The following TTC7B variants were observed in gnomAD, a reference collection of about 807,000 sequenced individuals.
TTC7B encodes the protein tetratricopeptide repeat domain 7B, also known as tetratricopeptide repeat protein 7B.
TTC7B carries 28 observed loss-of-function variants against 106.8 expected under a neutral mutation model. That is an observed-to-expected ratio of 0.26 (90% confidence interval 0.19 to 0.36). The LOEUF is 0.36. TTC7B is among the 10% of genes least tolerant of loss of function. The probability of loss-of-function intolerance (pLI) is 1.00; values close to 1 mark genes in which losing one functional copy is unlikely to be tolerated. For synonymous variants in TTC7B, 405 were observed against 430.6 expected, an observed-to-expected ratio of 0.94 and a Z score of 0.74; for missense variants, 862 against 1,076.4, an observed-to-expected ratio of 0.80 and a Z score of 2.79.
intron 2 of TTC7B, among the ~76,000 whole-genome samples, chr14:90,784,443 G>A (rs1040700451): frequency 3.3e-5 from 5 of 152,144 alleles, no homozygotes; most frequent in Non-Finnish European, 7.3e-5. Context: ...TGTAGTCCCA[G>A]CTAGTCAGGA....
intron 3 of TTC7B, among the ~76,000 whole-genome samples, chr14:90,755,723 A>G (rs1890270663): frequency 1.3e-5 from 2 of 152,186 alleles, no homozygotes; most frequent in Non-Finnish European, 2.9e-5. Flanking sequence ...CTTCTGACAG[A>G]CCTGGATGCA....
At chr14:90,704,418 C>G (rs930300536) in intron 5 of TTC7B, among the ~76,000 whole-genome samples, 3 of 152,222 alleles carry the variant, frequency 2.0e-5, no homozygotes, top group African/African-American at 7.2e-5. Flanking sequence ...TGCCCATGAT[C>G]ACACAGCCCA....
intron 3 of TTC7B, among the ~76,000 whole-genome samples, chr14:90,749,916 C>T (rs1956540): frequency 0.18 from 28,109 of 152,138 alleles, 2,743 homozygotes; most frequent in Middle Eastern, 0.21. Flanking sequence ...ATAAGGAATA[C>T]GGTTCTAATA....
intron 19 of TTC7B, among the ~76,000 whole-genome samples, chr14:90,554,047 C>T (rs1890199547): frequency 6.6e-6 from 1 of 152,226 alleles, no homozygotes; most frequent in African/African-American, 2.4e-5. Flanking sequence ...GCTTGATCAG[C>T]CTTGCGTGAA....
In TTC7B at chr14:90,540,387, CA is replaced by C. The variant is rs1399849315; in HGVS notation, c.*980del. ...AGGCTGCAGTGATCTGTGATCGCAC[CA>C]CTGAACTCCAGCCTGGGAAACAGAG... On this transcript the variant is annotated 3_prime_UTR_variant, in exon 20 of 20. Coordinates refer to ENST00000328459, the MANE Select transcript of TTC7B (RefSeq NM_001010854.2). The C allele has an allele frequency of 6.6e-6, 1 of 152,174 alleles. No individual in the cohort carries two copies. Among genetic ancestry groups the C allele is most frequent in the Non-Finnish European group, 1.5e-5 (1 of 68,060 alleles). 9.4% of individuals were successfully genotyped at this position (152,174 alleles called of 1,614,324 possible).
chr14:90,785,019 C>T (rs1394976395), intron 2 of TTC7B, among the ~76,000 whole-genome samples: 1 of 152,150 alleles, frequency 6.6e-6, no homozygotes, highest in Non-Finnish European at 1.5e-5. Flanking sequence ...GGCCAGATGA[C>T]CAAGAGGAGG....
At chr14:90,618,607 G>T (rs1007060146) in intron 15 of TTC7B, among the ~76,000 whole-genome samples, 1 of 152,184 alleles carries the variant, frequency 6.6e-6, no homozygotes, top group Non-Finnish European at 1.5e-5. Flanking sequence ...CAATCACCTA[G>T]GTCTCTCTTC....
intron 3 of TTC7B, among the ~76,000 whole-genome samples, chr14:90,776,463 CCA>C (rs1891033322): frequency 6.6e-6 from 1 of 152,106 alleles, no homozygotes; most frequent in African/African-American, 2.4e-5. Flanking sequence ...GCGTACAACT[CCA>C]GTCATTTCTT....
At chr14:90,786,860 C>T (rs138031818) in intron 1 of TTC7B, among the ~76,000 whole-genome samples, 126 of 152,288 alleles carry the variant, frequency 8.3e-4, no homozygotes, top group African/African-American at 3.0e-3. Flanking sequence ...GGATTACAGG[C>T]ATGAGCCACT....
rs1294566 is a variant in TTC7B at position 90,538,293 on chromosome 14, C to T, written c.*3075G>A. On this transcript the variant is annotated 3_prime_UTR_variant, in exon 20 of 20. Coordinates refer to ENST00000328459, the MANE Select transcript of TTC7B (RefSeq NM_001010854.2). Reference sequence around the variant, plus strand: ...ATGGATGGATGGATGGACGGACGGACGGACGGGTGGACGGATGAATGGATG... The same window carrying T: ...ATGGATGGATGGATGGACGGACGGATGGACGGGTGGACGGATGAATGGATG... The T allele has an allele frequency of 0.74, 111,587 of 151,062 alleles. 41,359 individuals are homozygous for T. Among genetic ancestry groups the T allele is most frequent in the South Asian group, 0.78 (3,731 of 4,768 alleles). 9.4% of individuals were successfully genotyped at this position (151,062 alleles called of 1,614,324 possible).
rs908469861 is a variant in TTC7B, at chr14:90,537,074, T to A, written c.*4294A>T. 6.6e-6 allele frequency: 1 copy of A among 152,254 alleles called. No homozygotes were observed. The highest frequency in any genetic ancestry group is 6.5e-5 in the Admixed American group (1 of 15,286). The allele number at this position is 152,254 out of a possible 1,614,324, so 9.4% of individuals were successfully genotyped here. A position where few individuals can be genotyped will look rare whatever the true frequency, so the allele number is the denominator to read the frequency against. ...GAGAAGACGGGGACACCCGTCCTCCTCCAGAGCCTGGGGAAGGAGCACAGC... is the reference window on the plus strand; with the variant it reads ...GAGAAGACGGGGACACCCGTCCTCCACCAGAGCCTGGGGAAGGAGCACAGC... On this transcript the variant is annotated 3_prime_UTR_variant, in exon 20 of 20. Transcript: ENST00000328459.
intron 15 of TTC7B, among the ~76,000 whole-genome samples, chr14:90,643,106 A>G (rs1252971414): frequency 6.6e-6 from 1 of 152,196 alleles, no homozygotes; most frequent in African/African-American, 2.4e-5. Context: ...ATTCTAATGT[A>G]CATTTAAGAA....
chr14:90,727,069 T>G (rs1889131610), intron 5 of TTC7B, among the ~76,000 whole-genome samples: 22 of 143,500 alleles, frequency 1.5e-4, no homozygotes, highest in South Asian at 2.3e-4. Flanking sequence ...AAAAGAGGGG[T>G]GGGAGAGGGA....
At chr14:90,641,848 C>A (rs1410360035) in intron 15 of TTC7B, among the ~76,000 whole-genome samples, 1 of 152,064 alleles carries the variant, frequency 6.6e-6, no homozygotes, top group Admixed American at 6.6e-5. Context: ...GTTTAATAAG[C>A]CTCCTCTTGG....
intron 7 of TTC7B, among the ~76,000 whole-genome samples, chr14:90,684,850 AT>A (rs973837637): frequency 1.6e-4 from 25 of 152,044 alleles, no homozygotes; most frequent in African/African-American, 5.6e-4. Flanking sequence ...CTTTTGATTT[AT>A]TTTTCTCTAT....
chr14:90,754,912 C>T (rs960360913), intron 3 of TTC7B, among the ~76,000 whole-genome samples: 1 of 152,136 alleles, frequency 6.6e-6, no homozygotes, highest in African/African-American at 2.4e-5. Flanking sequence ...ATCAGAACTT[C>T]ATCCTTTTTT....
chr14:90,636,141 A>T (rs190676196), intron 15 of TTC7B, among the ~76,000 whole-genome samples: 15 of 152,144 alleles, frequency 9.9e-5, no homozygotes, highest in Admixed American at 6.5e-4. Flanking sequence ...AAAAAGTTCA[A>T]AAAGAATGGA....
At chr14:90,745,714 T>G (rs1299573081) in intron 3 of TTC7B, among the ~76,000 whole-genome samples, 1 of 151,752 alleles carries the variant, frequency 6.6e-6, no homozygotes, top group Non-Finnish European at 1.5e-5. Flanking sequence ...TTTCTTTTTT[T>G]TTTTTTTGGA....
Position 90,766,981 on chromosome 14 carries a change from A to G in TTC7B, c.445+13757T>C, listed in dbSNP as rs1409245325. On this transcript the variant is annotated intron_variant, in intron 3 of 19. Coordinates refer to ENST00000328459, the MANE Select transcript of TTC7B (RefSeq NM_001010854.2). The stretch of plus-strand genomic sequence containing the variant: ...TGGCCGCACTGTGGGTGTGTCCAAG[A>G]AGAAATAAGTCTGTAGGCCTTGTCT... 22 of 1,352,914 alleles carry G rather than the reference A, an allele frequency of 1.6e-5. No individual in the cohort carries two copies. The East Asian group carries it at 4.7e-4, about 29-fold the overall frequency. 83.8% of individuals were successfully genotyped at this position (1,352,914 alleles called of 1,614,324 possible).
Sources: gnomAD v4.1 joint callset for allele counts (sites outside exome capture counted in the v4.1 genomes callset) on GRCh38, gnomAD v4.1.1 for gene constraint, MANE v1.5 for transcripts, NCBI Gene and HGNC (gene_info 2026-07-23, HGNC 2026-07-21) for gene names.